Variants in POGZ observed in about 807,000 individuals in gnomAD.
The protein encoded by POGZ is pogo transposable element with ZNF domain.
POGZ carries 17 observed loss-of-function variants against 134.6 expected under a neutral mutation model. That is an observed-to-expected ratio of 0.13 (90% CI 0.09 to 0.19). The LOEUF is 0.19. Ranked by LOEUF, POGZ falls within the 10% of genes least tolerant of loss-of-function variation. The pLI is 1.00. For synonymous variants in POGZ, 693 were observed against 657.1 expected, an observed-to-expected ratio of 1.05 and a Z score of -0.84; for missense variants, 1,306 against 1,769.7, an observed-to-expected ratio of 0.74 and a Z score of 4.70.
At chr1:151,457,927 CAAAAA>C (rs34068254) in intron 1 of POGZ, among the ~76,000 whole-genome samples, 2 of 136,516 alleles carry the variant, frequency 1.5e-5, no homozygotes, top group Non-Finnish European at 3.1e-5. Flanking sequence ...AACTTCGTCT[CAAAAA>C]AAAAAAAAAA....
intron 16 of POGZ, 47 bp from the exon 17 acceptor site, chr1:151,407,070 C>G: frequency 6.9e-7 from 1 of 1,455,214 alleles, no homozygotes; most frequent in Non-Finnish European, 9.6e-7. Context: ...AGCAGTGACA[C>G]TTGAGACCAT....
At position 151,403,998 on chromosome 1, in the gene POGZ, G is replaced by A. The variant is rs1237418587; in HGVS notation, c.*804C>T. ...AGAGGGATGGATGGTGTTGAGAATG[G>A]GGAAAGGGGCCAAGGATCACAAGTG... On this transcript the variant is annotated 3_prime_UTR_variant, in exon 19 of 19. Transcript: ENST00000271715. 23 of 985,376 alleles carry A rather than the reference G, an allele frequency of 2.3e-5. No homozygotes were observed. Among genetic ancestry groups the A allele is most frequent in the Non-Finnish European group, 2.8e-5 (23 of 829,878 alleles). 61.0% of individuals were successfully genotyped at this position (985,376 alleles called of 1,614,324 possible).
intron 7 of POGZ, chr1:151,427,207 C>A (rs530049170): frequency 6.6e-6 from 1 of 152,592 alleles, no homozygotes; most frequent in South Asian, 2.1e-4. Flanking sequence ...CTATACCTTG[C>A]GGTTTTTATT....
rs1166729852 is a variant in POGZ, at chr1:151,442,014, T to C, written c.124+67A>G. ...TTCAAGTCCTTTTCCATCTCACACT[T>C]TGTTAACCAAAATACCATTCAATTT... On this transcript the variant is annotated intron_variant, in intron 2 of 18. Transcript: ENST00000271715. 6 of 1,232,442 alleles carry C rather than the reference T, an allele frequency of 4.9e-6. 1 individual carries two copies. The highest frequency in any genetic ancestry group is 3.0e-5 in the African/African-American group (2 of 66,786). The allele number at this position is 1,232,442 out of a possible 1,614,324, so 76.3% of individuals were successfully genotyped here. A position where few individuals can be genotyped will look rare whatever the true frequency, so the allele number is the denominator to read the frequency against.
intron 1 of POGZ, among the ~76,000 whole-genome samples, chr1:151,451,960 G>A (rs182146589): frequency 7.5e-4 from 114 of 151,644 alleles, no homozygotes; most frequent in African/African-American, 2.6e-3. Flanking sequence ...AGCCGGGCGT[G>A]GTGGTGGGCA....
chr1:151,458,684 G>A (rs1266011685), intron 1 of POGZ, among the ~76,000 whole-genome samples: 2 of 141,540 alleles, frequency 1.4e-5, no homozygotes, highest in Non-Finnish European at 3.1e-5. Flanking sequence ...GCCACCGCCC[G>A]CGCCCCCGCC....
Position 151,404,949 on chromosome 1 carries a change from T to G in POGZ, c.4086A>C (p.Glu1362Asp), listed in dbSNP as rs374364810. The G allele has an allele frequency of 6.6e-5, 107 of 1,614,072 alleles. No homozygotes were observed. The highest frequency in any genetic ancestry group is 8.8e-5 in the Non-Finnish European group (104 of 1,180,040). Residue 1362 changes from glutamate (E) to aspartate (D), a missense_variant, in exon 19 of 19, where the codon GAA (glutamate) becomes GAC (aspartate). By Grantham distance (45) the Glu-to-Asp change is conservative. This residue lies in a region of POGZ where 107 missense variants were observed against 97.9 expected (regional missense o/e 1.09). Transcript: ENST00000271715. Reference sequence around the variant, plus strand: ...GTCGTGGAGTGGAAGACTCAGAATGTTCCCCACTCAGCTTCAGTTGCTCCT... The same window carrying G: ...GTCGTGGAGTGGAAGACTCAGAATGGTCCCCACTCAGCTTCAGTTGCTCCT... ...SLEEQLKLSG[E>D]HSESSTPRPR...
chr1:151,453,901 CA>C (rs1468267264), intron 1 of POGZ, among the ~76,000 whole-genome samples: 1 of 152,138 alleles, frequency 6.6e-6, no homozygotes, highest in African/African-American at 2.4e-5. Flanking sequence ...TATTTAAAAG[CA>C]GCAAAAAGAA....
At chr1:151,430,511 T>C (rs1251582125) in intron 4 of POGZ, among the ~76,000 whole-genome samples, 155 bp downstream of exon 4, 3 of 152,238 alleles carry the variant, frequency 2.0e-5, no homozygotes, top group African/African-American at 7.2e-5. Context: ...CTTTCCACAG[T>C]TGGCATCAAA....
At chr1:151,447,005 T>C (rs1661371771) in intron 1 of POGZ, among the ~76,000 whole-genome samples, 2 of 152,134 alleles carry the variant, frequency 1.3e-5, no homozygotes. Flanking sequence ...CCCTGTATTA[T>C]ATTGAAACAA....
chr1:151,440,558 A>G (rs1282980989), intron 3 of POGZ, among the ~76,000 whole-genome samples: 2 of 152,230 alleles, frequency 1.3e-5, no homozygotes, highest in Non-Finnish European at 2.9e-5. Flanking sequence ...GAGAAAATAC[A>G]GAACTGCCCT....
intron 1 of POGZ, chr1:151,455,126 G>T (rs1434966904): frequency 6.6e-6 from 1 of 150,748 alleles, no homozygotes; most frequent in Non-Finnish European, 1.5e-5. Context: ...AAAAAGACAA[G>T]TTTTTGTGAA....
chr1:151,449,992 T>G (rs1661830187), intron 1 of POGZ, among the ~76,000 whole-genome samples: 1 of 151,846 alleles, frequency 6.6e-6, no homozygotes, highest in Non-Finnish European at 1.5e-5. Flanking sequence ...CTAGTCTGTT[T>G]CATCCTATAA....
chr1:151,440,365 C>T (rs1475807180), intron 3 of POGZ, among the ~76,000 whole-genome samples: 1 of 151,912 alleles, frequency 6.6e-6, no homozygotes, highest in Non-Finnish European at 1.5e-5. Context: ...GTCAACAACT[C>T]ATCTTAGGAG....
intron 7 of POGZ, chr1:151,426,209 T>C (rs1220199696): frequency 6.6e-6 from 1 of 151,054 alleles, no homozygotes; most frequent in Non-Finnish European, 1.5e-5. Flanking sequence ...TTTTTTGAGA[T>C]GGGGTCTTTC....
At chr1:151,412,517 T>G in intron 10 of POGZ, 121 bp from the exon 11 acceptor site, 1 of 613,000 alleles carries the variant, frequency 1.6e-6, no homozygotes, top group South Asian at 2.0e-5. Context: ...AAATCATAGG[T>G]CCCTTCTGTT....
Position 151,423,390 on chromosome 1 carries a change from A to G in POGZ, c.1678+7T>C, listed in dbSNP as rs1657265370. On this transcript the variant is annotated splice_region_variant and intron_variant, in intron 10 of 18. Coordinates refer to ENST00000271715, the MANE Select transcript of POGZ (RefSeq NM_015100.4). ...TTCCCCTTGAGTTTAAGAGTTTCCA[A>G]ACTTACTAGTAGATTCATAGGGACT... 1.9e-6 allele frequency: 3 copies of G among 1,613,370 alleles called. No individual in the cohort carries two copies. Among genetic ancestry groups the G allele is most frequent in the South Asian group, 2.2e-5 (2 of 91,040 alleles).
At chr1:151,437,292 T>C (rs559723579) in intron 3 of POGZ, among the ~76,000 whole-genome samples, 2 of 152,124 alleles carry the variant, frequency 1.3e-5, no homozygotes, top group Non-Finnish European at 2.9e-5. Context: ...ATCACATCTT[T>C]AATGTAGTTC....
chr1:151,427,393 T>C lies in POGZ; in HGVS notation c.1078+430A>G, dbSNP rs189975560. 316 of 189,192 alleles carry C rather than the reference T, an allele frequency of 1.7e-3. 2 individuals are homozygous for C. The highest frequency in any genetic ancestry group is 5.8e-3 in the African/African-American group (250 of 42,864). The allele number at this position is 189,192 out of a possible 1,614,324, so 11.7% of individuals were successfully genotyped here. A position where few individuals can be genotyped will look rare whatever the true frequency, so the allele number is the denominator to read the frequency against. On this transcript the variant is annotated intron_variant, in intron 7 of 18. Coordinates refer to ENST00000271715, the MANE Select transcript of POGZ (RefSeq NM_015100.4). Reference sequence around the variant, plus strand: ...GTTAATAGCTGCAACAGAGGCTATATATTGTGCACAAAGCCTACAACTTTA... The same window carrying C: ...GTTAATAGCTGCAACAGAGGCTATACATTGTGCACAAAGCCTACAACTTTA...
Sources: gnomAD v4.1 joint callset for allele counts (sites outside exome capture counted in the v4.1 genomes callset) on GRCh38, gnomAD v4.1.1 for gene constraint, gnomAD v4.1.1 regional missense constraint, MANE v1.5 for transcripts, NCBI Gene and HGNC (gene_info 2026-07-23, HGNC 2026-07-21) for gene names.